The following PIK3R4 variants were observed in gnomAD, a reference collection of about 807,000 sequenced individuals.
PIK3R4 encodes phosphoinositide 3-kinase regulatory subunit 4.
In PIK3R4, 46 loss-of-function variants were observed where a neutral mutation model predicts 136.5. That is an observed-to-expected ratio of 0.34 (90% CI 0.27 to 0.43). The LOEUF is 0.43. Among genes scored for constraint, PIK3R4 ranks in the 20% least tolerant of loss-of-function variants. PIK3R4 has a pLI of 1.00. For synonymous variants in PIK3R4, 557 were observed against 566.7 expected, an observed-to-expected ratio of 0.98 and a Z score of 0.24; for missense variants, 1,331 against 1,649.5, an observed-to-expected ratio of 0.81 and a Z score of 3.35.
intron 16 of PIK3R4, among the ~76,000 whole-genome samples, chr3:130,682,576 G>A (rs1374717291): frequency 6.6e-6 from 1 of 152,102 alleles, no homozygotes; most frequent in Non-Finnish European, 1.5e-5. Flanking sequence ...ATTCATATCA[G>A]GCTGGTTGTA....
At chr3:130,733,427 A>C in intron 4 of PIK3R4, 121 bp downstream of exon 4, 2 of 649,524 alleles carry the variant, frequency 3.1e-6, no homozygotes, top group Non-Finnish European at 5.5e-6. Flanking sequence ...AATGTACACA[A>C]ATAGTTCAAA....
chr3:130,709,934 T>A (rs2066625471), intron 9 of PIK3R4, among the ~76,000 whole-genome samples: 1 of 152,170 alleles, frequency 6.6e-6, no homozygotes, highest in Non-Finnish European at 1.5e-5. Flanking sequence ...TGTTCTGGAA[T>A]TTAACAGTGG....
intron 13 of PIK3R4, among the ~76,000 whole-genome samples, chr3:130,693,565 C>T (rs906731363): frequency 6.6e-5 from 10 of 152,004 alleles, no homozygotes; most frequent in Admixed American, 3.9e-4. Context: ...TCTTTTCATG[C>T]GCTTATTGGT....
chr3:130,684,968 C>T (rs569315566), intron 15 of PIK3R4, among the ~76,000 whole-genome samples: 14 of 152,154 alleles, frequency 9.2e-5, no homozygotes, highest in Non-Finnish European at 1.9e-4. Flanking sequence ...AAGCAAAGGG[C>T]ACACACTTAA....
intron 13 of PIK3R4, among the ~76,000 whole-genome samples, chr3:130,700,556 C>T (rs185581656): frequency 1.1e-4 from 16 of 152,230 alleles, no homozygotes; most frequent in African/African-American, 3.6e-4. Flanking sequence ...GAAAGTTTAA[C>T]TCAAATAAGA....
intron 4 of PIK3R4, among the ~76,000 whole-genome samples, chr3:130,731,262 G>A (rs1191682204): frequency 6.6e-6 from 1 of 152,118 alleles, no homozygotes; most frequent in African/African-American, 2.4e-5. Context: ...GCAGTGAATA[G>A]CACTGAACGT....
At chr3:130,743,405 C>T (rs1046923943) in intron 2 of PIK3R4, among the ~76,000 whole-genome samples, 1 of 151,978 alleles carries the variant, frequency 6.6e-6, no homozygotes, top group Non-Finnish European at 1.5e-5. Context: ...AATGTGAGAT[C>T]CTACCTCTAA....
chr3:130,701,927 T>C (rs1459467842), intron 13 of PIK3R4, among the ~76,000 whole-genome samples: 2 of 150,900 alleles, frequency 1.3e-5, no homozygotes, highest in African/African-American at 2.4e-5. Flanking sequence ...AAGTCAGGAG[T>C]TCAAGACCAG....
intron 2 of PIK3R4, among the ~76,000 whole-genome samples, chr3:130,736,889 G>A (rs962591142): frequency 1.2e-4 from 18 of 152,202 alleles, no homozygotes; most frequent in Admixed American, 1.3e-4. Flanking sequence ...GCTAAAAAGT[G>A]TAGCTGTAAG....
At chr3:130,691,914 A>G (rs13340107) in intron 13 of PIK3R4, among the ~76,000 whole-genome samples, 28,831 of 129,774 alleles carry the variant, frequency 0.22, 3,194 homozygotes, top group Admixed American at 0.38. Flanking sequence ...TCACTCTGTC[A>G]CCCAGGCTGG....
rs1187981116 is a variant in PIK3R4 at position 130,679,084 on chromosome 3, AT to A, written c.*230del. 1 of 295,474 alleles carries A rather than the reference AT, an allele frequency of 3.4e-6. No individual in the cohort carries two copies. Among genetic ancestry groups the A allele is most frequent in the Non-Finnish European group, 6.2e-6 (1 of 160,978 alleles). 18.3% of individuals were successfully genotyped at this position (295,474 alleles called of 1,614,324 possible). A position where few individuals can be genotyped will look rare whatever the true frequency, so the allele number is the denominator to read the frequency against. ...ATTTCTCACCTCTATAACATATACA[AT>A]AAAAATCCCAGACATTGTTGGCTGG... On this transcript the variant is annotated 3_prime_UTR_variant, in exon 20 of 20. Coordinates refer to ENST00000356763, the MANE Select transcript of PIK3R4 (RefSeq NM_014602.3).
chr3:130,681,175 T>G lies in PIK3R4; in HGVS notation c.3709-110A>C, dbSNP rs1226179007. 4.1e-6 allele frequency: 3 copies of G among 736,056 alleles called. No homozygotes were observed. The African/African-American group carries it at 5.2e-5, about 13-fold the overall frequency. The allele number at this position is 736,056 out of a possible 1,614,324, so 45.6% of individuals were successfully genotyped here. A position where few individuals can be genotyped will look rare whatever the true frequency, so the allele number is the denominator to read the frequency against. On this transcript the variant is annotated intron_variant, in intron 17 of 19. Transcript: ENST00000356763. ...GTCAGTAGCTTTACAAGCACCTGGT[T>G]AACTGAAGAAATGAGAGACCAGTTA...
rs2066617313 is a variant in PIK3R4 at position 130,708,406 on chromosome 3, G to A, written c.2418C>T (p.Asp806=). The change falls in exon 10 of 20, where the codon GAC becomes GAT. Residue 806 remains aspartate, a synonymous_variant. Transcript: ENST00000356763. ...GACTACTATCATGAAGATGGCTCTG[G>A]TCCACTATATTGGCCTTTGCTTTAT... is the stretch of plus-strand genomic sequence containing the variant. ...KSNKAKANIV[D]QSHLHDSSQK... 1.2e-6 allele frequency: 2 copies of A among 1,613,694 alleles called. No individual in the cohort carries two copies. Among genetic ancestry groups the A allele is most frequent in the Non-Finnish European group, 8.5e-7 (1 of 1,179,704 alleles).
chr3:130,690,913 T>C (rs113036166), intron 13 of PIK3R4, among the ~76,000 whole-genome samples: 28,628 of 147,252 alleles, frequency 0.19, 2,867 homozygotes, highest in South Asian at 0.34. Flanking sequence ...TTTTTTTTTT[T>C]CTGAGACAGG....
chr3:130,731,493 C>T (rs1054166787), intron 4 of PIK3R4, among the ~76,000 whole-genome samples: 4 of 152,078 alleles, frequency 2.6e-5, no homozygotes, highest in East Asian at 3.9e-4. Context: ...TACCCTATAA[C>T]GCCTGCTCGC....
At chr3:130,684,650 T>C (rs953852030) in intron 15 of PIK3R4, among the ~76,000 whole-genome samples, 2 of 152,240 alleles carry the variant, frequency 1.3e-5, no homozygotes, top group Non-Finnish European at 2.9e-5. Flanking sequence ...GTTGCTGACA[T>C]TGTTATTAAT....
At chr3:130,744,261 G>A (rs913558729) in intron 2 of PIK3R4, among the ~76,000 whole-genome samples, 2 of 152,170 alleles carry the variant, frequency 1.3e-5, no homozygotes, top group African/African-American at 4.8e-5. Flanking sequence ...AATAAAAGTA[G>A]GCAAGCAAAT....
intron 6 of PIK3R4, chr3:130,726,011 TG>T (rs1160379766): frequency 6.6e-6 from 1 of 152,108 alleles, no homozygotes; most frequent in Non-Finnish European, 1.5e-5. Context: ...CTTATAAATG[TG>T]TCATGAGTTT....
rs1402280522 is a variant in PIK3R4 at position 130,746,540 on chromosome 3, G to A, written c.-269C>T. 6.6e-6 allele frequency: 1 copy of A among 152,328 alleles called. No individual in the cohort carries two copies. Among genetic ancestry groups the A allele is most frequent in the Non-Finnish European group, 1.5e-5 (1 of 68,176 alleles). The allele number at this position is 152,328 out of a possible 1,614,324, so 9.4% of individuals were successfully genotyped here. ...GGGAGGAGAACTGGGAAAGCTCTCG[G>A]GGTCTCAGCAGAGAGAAGAAGCCAC... On this transcript the variant is annotated 5_prime_UTR_variant, in exon 1 of 20. Coordinates refer to ENST00000356763, the MANE Select transcript of PIK3R4 (RefSeq NM_014602.3).
Sources: allele counts gnomAD v4.1 joint callset (sites outside exome capture counted in the v4.1 genomes callset), GRCh38; gene constraint gnomAD v4.1.1; transcripts MANE v1.5; gene names NCBI Gene and HGNC (gene_info 2026-07-23, HGNC 2026-07-21).